Variants in KALRN observed in about 807,000 individuals in gnomAD.
KALRN encodes the protein kalirin RhoGEF kinase.
In KALRN, 70 loss-of-function variants were observed where a neutral mutation model predicts 353.7. The observed-to-expected ratio is 0.20, with a 90% CI of 0.16 to 0.24. The LOEUF (loss-of-function observed/expected upper bound fraction) is 0.24, where lower values mean the gene tolerates loss of function less well. Ranked by LOEUF, KALRN falls within the 10% of genes least tolerant of loss-of-function variation. The pLI, the probability that KALRN is intolerant of heterozygous loss-of-function variation, is 1.00. For missense variants in KALRN, 2,791 were observed against 3,756.7 expected (o/e 0.74, Z 6.72); for synonymous variants, 1,391 against 1,434.8 (o/e 0.97, Z 0.69).
At chr3:124,237,366 C>CTTTCTTTT (rs1474751095) in intron 3 of KALRN, among the ~76,000 whole-genome samples, 2 of 135,630 alleles carry the variant, frequency 1.5e-5, no homozygotes, top group Admixed American at 1.5e-4. Context: ...TCATTTGATG[C>CTTTCTTTT]TTTTTTTTTT....
In KALRN at chr3:124,269,619, G is replaced by A. The variant is rs539547162; in HGVS notation, c.969+364G>A. ...TTTACCTACTGTTAGAAGCTGCCCC[G>A]AGTGCCTGCAATGAGTGGCTCAAGC... On this transcript the variant is annotated intron_variant, in intron 5 of 59. Coordinates refer to ENST00000682506, the MANE Select transcript of KALRN (RefSeq NM_001388419.1). Among the ~76,000 whole-genome samples the A allele has an allele frequency of 1.8e-4, 27 of 152,314 alleles. No individual in the cohort carries two copies. The East Asian group carries it at 5.0e-3, about 28-fold the overall frequency.
chr3:124,406,759 G>A (rs1044312116), intron 13 of KALRN, among the ~76,000 whole-genome samples: 12 of 151,546 alleles, frequency 7.9e-5, no homozygotes, highest in African/African-American at 2.2e-4. Flanking sequence ...GTAGTATTTT[G>A]AGTTAGACTG....
intron 8 of KALRN, among the ~76,000 whole-genome samples, chr3:124,330,288 C>CA (rs2080410771): frequency 8.5e-6 from 1 of 117,690 alleles, no homozygotes; most frequent in Non-Finnish European, 2.0e-5. Context: ...ACACACACAC[C>CA]CCATACACCT....
At chr3:124,626,297 TTGA>T (rs1561457839) in intron 34 of KALRN, among the ~76,000 whole-genome samples, 2 of 152,030 alleles carry the variant, frequency 1.3e-5, no homozygotes, top group African/African-American at 2.4e-5. Context: ...GAATTTAACT[TTGA>T]TGAGGGCAAT....
intron 1 of KALRN, among the ~76,000 whole-genome samples, chr3:124,109,682 A>G (rs951296314): frequency 6.7e-6 from 1 of 148,722 alleles, no homozygotes; most frequent in Admixed American, 6.6e-5. Flanking sequence ...TGATATACAT[A>G]TCATATATAT....
intron 51 of KALRN, among the ~76,000 whole-genome samples, chr3:124,684,042 C>T (rs1267406931): frequency 6.6e-6 from 1 of 152,126 alleles, no homozygotes; most frequent in Non-Finnish European, 1.5e-5. Flanking sequence ...CAATGTTATA[C>T]CACCATCACC....
intron 3 of KALRN, among the ~76,000 whole-genome samples, chr3:124,252,698 C>T (rs1231756441): frequency 1.3e-5 from 2 of 152,194 alleles, no homozygotes; most frequent in Non-Finnish European, 2.9e-5. Context: ...CAACAAAAAC[C>T]TCTGGATGAA....
chr3:124,472,336 T>C (rs767614403), intron 25 of KALRN, among the ~76,000 whole-genome samples: 1 of 152,210 alleles, frequency 6.6e-6, no homozygotes, highest in African/African-American at 2.4e-5. Flanking sequence ...AACAATTTTT[T>C]ATCCTGTGTG....
Position 124,091,298 on chromosome 3 carries a change from C to G in KALRN, c.73+57485C>G, listed in dbSNP as rs116709693. ...CGGTCTTCACTTTGGTTTGCAGATA[C>G]CAGCAACTATGCTACCTCCTGTATT... On this transcript the variant is annotated intron_variant, in intron 1 of 59. Coordinates refer to ENST00000682506, the MANE Select transcript of KALRN (RefSeq NM_001388419.1). Among the ~76,000 whole-genome samples the G allele has an allele frequency of 5.4e-3, 819 of 152,278 alleles. 4 individuals are homozygous for G. The highest frequency in any genetic ancestry group is 0.019 in the African/African-American group (779 of 41,552).
rs551857193 is a variant in KALRN at position 124,455,770 on chromosome 3, G to T, written c.3735+411G>T. Among the ~76,000 whole-genome samples the T allele has an allele frequency of 2.6e-5, 4 of 152,286 alleles. No homozygotes were observed. In the South Asian group the frequency reaches 8.3e-4, roughly 32 times the overall value. ...AATAGTACTCTTTCAAGAATAAGGG[G>T]TGCAATTTGTACAAGGGTTATTTGA... On this transcript the variant is annotated intron_variant, in intron 22 of 59. Transcript: ENST00000682506.
intron 1 of KALRN, among the ~76,000 whole-genome samples, chr3:124,182,779 A>C (rs924940738): frequency 6.6e-6 from 1 of 152,138 alleles, no homozygotes; most frequent in Admixed American, 6.5e-5. Flanking sequence ...CCATCTCACT[A>C]TCAGCCTCCA....
chr3:124,536,227 G>C (rs1382247870), intron 33 of KALRN, among the ~76,000 whole-genome samples: 1 of 135,756 alleles, frequency 7.4e-6, no homozygotes, highest in Non-Finnish European at 1.5e-5. Flanking sequence ...TTGAGATGGA[G>C]TTTCACACTT....
chr3:124,489,090 T>C (rs2062859174), intron 29 of KALRN, among the ~76,000 whole-genome samples: 1 of 152,178 alleles, frequency 6.6e-6, no homozygotes, highest in South Asian at 2.1e-4. Flanking sequence ...GTGGATCACC[T>C]GAGGTCAGGA....
At chr3:124,088,335 T>C (rs2060931806) in intron 1 of KALRN, among the ~76,000 whole-genome samples, 1 of 152,076 alleles carries the variant, frequency 6.6e-6, no homozygotes, top group Non-Finnish European at 1.5e-5. Flanking sequence ...AAAGAGGAGA[T>C]CAGATGAGTT....
chr3:124,193,025 T>C (rs2075092056), intron 1 of KALRN, among the ~76,000 whole-genome samples: 1 of 152,224 alleles, frequency 6.6e-6, no homozygotes, highest in Non-Finnish European at 1.5e-5. Context: ...GTACTTCTAT[T>C]CTTTATTGAC....
intron 33 of KALRN, among the ~76,000 whole-genome samples, chr3:124,540,214 C>T (rs1005590517): frequency 4.6e-5 from 7 of 152,026 alleles, no homozygotes; most frequent in African/African-American, 1.5e-4. Context: ...CCACTGCACC[C>T]GGCCACATTT....
chr3:124,260,985 C>A (rs1039709013), intron 3 of KALRN, among the ~76,000 whole-genome samples: 2 of 152,132 alleles, frequency 1.3e-5, no homozygotes, highest in African/African-American at 2.4e-5. Flanking sequence ...AACAAAAACA[C>A]CCACACATAG....
intron 33 of KALRN, among the ~76,000 whole-genome samples, chr3:124,527,682 T>C (rs2067709673): frequency 6.6e-6 from 1 of 151,836 alleles, no homozygotes; most frequent in African/African-American, 2.4e-5. Flanking sequence ...TCAGATAAGA[T>C]AGCGTCTGCC....
intron 34 of KALRN, among the ~76,000 whole-genome samples, chr3:124,609,482 T>C (rs2077697526): frequency 6.6e-6 from 1 of 152,220 alleles, no homozygotes; most frequent in African/African-American, 2.4e-5. Flanking sequence ...TATACATGTA[T>C]TTGCACTAGC....
Sources: allele counts gnomAD v4.1 joint callset (sites outside exome capture counted in the v4.1 genomes callset), GRCh38; gene constraint gnomAD v4.1.1; transcripts MANE v1.5; gene names NCBI Gene and HGNC (gene_info 2026-07-23, HGNC 2026-07-21).